The following INPP5A variants were observed in gnomAD, a reference collection of about 807,000 sequenced individuals.
The protein encoded by INPP5A is inositol polyphosphate-5-phosphatase A.
Under a neutral mutation model 65.2 loss-of-function variants are expected in INPP5A, and 14 were observed. The ratio of observed to expected loss-of-function variants is 0.21; its 90% confidence interval spans 0.14 to 0.34. The LOEUF (loss-of-function observed/expected upper bound fraction) is 0.34, where lower values mean the gene tolerates loss of function less well. Ranked by LOEUF, INPP5A falls within the 10% of genes least tolerant of loss-of-function variation. The pLI, the probability that INPP5A is intolerant of heterozygous loss-of-function variation, is 1.00. For missense variants in INPP5A, 431 were observed against 545.6 expected, an observed-to-expected ratio of 0.79 and a Z score of 2.09; for synonymous variants, 207 against 208.3, an observed-to-expected ratio of 0.99 and a Z score of 0.05.
chr10:132,761,586 C>T (rs557605017), intron 11 of INPP5A, among the ~76,000 whole-genome samples: 131 of 149,940 alleles, frequency 8.7e-4, no homozygotes, highest in African/African-American at 2.5e-3. Flanking sequence ...CACGGTGGGG[C>T]GGAGCCTGGG....
At chr10:132,682,392 G>A (rs905077755) in intron 4 of INPP5A, among the ~76,000 whole-genome samples, 3 of 152,270 alleles carry the variant, frequency 2.0e-5, no homozygotes, top group African/African-American at 7.2e-5. Flanking sequence ...CGATGGTCAA[G>A]TTTATGCTGT....
At chr10:132,755,152 CAT>C (rs1193503901) in intron 11 of INPP5A, among the ~76,000 whole-genome samples, 11 of 150,950 alleles carry the variant, frequency 7.3e-5, no homozygotes, top group Admixed American at 2.6e-4. Context: ...TGTGAGCAAG[CAT>C]ATGCATATGA....
At chr10:132,723,577 G>A (rs1845929591) in intron 8 of INPP5A, among the ~76,000 whole-genome samples, 1 of 94,850 alleles carries the variant, frequency 1.1e-5, no homozygotes, top group South Asian at 3.0e-4. Flanking sequence ...TGGCCATGTG[G>A]GGATTGGCCG....
At chr10:132,682,153 G>T (rs944291597) in intron 4 of INPP5A, among the ~76,000 whole-genome samples, 2 of 151,732 alleles carry the variant, frequency 1.3e-5, no homozygotes, top group Admixed American at 1.3e-4. Flanking sequence ...ACAGCGTCCT[G>T]GAGGTGGGAA....
At chr10:132,642,262 G>T (rs1394235266) in intron 2 of INPP5A, among the ~76,000 whole-genome samples, 1 of 152,196 alleles carries the variant, frequency 6.6e-6, no homozygotes, top group Non-Finnish European at 1.5e-5. Context: ...CAGCAGCAGA[G>T]CCCCAGCGTG....
intron 11 of INPP5A, among the ~76,000 whole-genome samples, chr10:132,761,965 TAAAA>T (rs562347826): frequency 6.6e-6 from 1 of 151,404 alleles, no homozygotes; most frequent in Non-Finnish European, 1.5e-5. Context: ...TCCCAACAGA[TAAAA>T]AAAAGTAGGA....
chr10:132,646,342 G>A (rs1159417152), intron 3 of INPP5A, among the ~76,000 whole-genome samples: 1 of 152,198 alleles, frequency 6.6e-6, no homozygotes, highest in Non-Finnish European at 1.5e-5. Flanking sequence ...AGGTCGGCAG[G>A]GAGCGTCTAT....
intron 4 of INPP5A, among the ~76,000 whole-genome samples, chr10:132,673,998 C>A (rs979879789): frequency 6.6e-6 from 1 of 152,200 alleles, no homozygotes; most frequent in African/African-American, 2.4e-5. Context: ...GCCATCATGG[C>A]CACTTTGTTC....
chr10:132,650,202 G>C lies in INPP5A; in HGVS notation c.219-216G>C, dbSNP rs914051843. ...TCTCACAGGCTGCGTGGAGACCAGA[G>C]CCTGTGGGAGCTTGAGCTCTGCACA... On this transcript the variant is annotated intron_variant, in intron 3 of 15. Coordinates refer to ENST00000368594, the MANE Select transcript of INPP5A (RefSeq NM_005539.5). The surrounding 1 kb of genome is among the most constrained non-coding windows in gnomAD (Gnocchi z 5.5). Among the ~76,000 whole-genome samples, 1 of 152,222 alleles carries C rather than the reference G, an allele frequency of 6.6e-6. No individual in the cohort carries two copies. Among genetic ancestry groups the C allele is most frequent in the African/African-American group, 2.4e-5 (1 of 41,470 alleles).
At chr10:132,771,451 C>T (rs1565011170) in intron 12 of INPP5A, among the ~76,000 whole-genome samples, 2 of 152,366 alleles carry the variant, frequency 1.3e-5, no homozygotes, top group East Asian at 3.8e-4. Context: ...CACATCCGTG[C>T]AATGCCAGCT....
Position 132,627,802 on chromosome 10 carries a change from C to T in INPP5A, c.118-18066C>T, listed in dbSNP as rs2072207653. 6.6e-6 allele frequency among the ~76,000 whole-genome samples: 1 copy of T among 152,098 alleles called. No homozygotes were observed. Among genetic ancestry groups the T allele is most frequent in the African/African-American group, 2.4e-5 (1 of 41,400 alleles). ...TCTTCATCCTCAGGGTAACGGCAGC[C>T]ACGGACAGATTTGTGAGGACCTTTG... On this transcript the variant is annotated intron_variant, in intron 2 of 15. Transcript: ENST00000368594. The surrounding 1 kb of genome is among the most constrained non-coding windows in gnomAD (Gnocchi z 6.6).
chr10:132,720,683 T>A (rs1845854964), intron 8 of INPP5A, among the ~76,000 whole-genome samples: 1 of 150,598 alleles, frequency 6.6e-6, no homozygotes, highest in Admixed American at 6.6e-5. Flanking sequence ...ACCTGGGTTC[T>A]TTCTGGGGGC....
Position 132,538,240 on chromosome 10 carries a change from T to C in INPP5A, c.75+69T>C. ...CGACCCTGACCCCGGGGTCCCGAACTGCAAGCCTTGGACCCTGGACCGTGA... is the reference window on the plus strand; with the variant it reads ...CGACCCTGACCCCGGGGTCCCGAACCGCAAGCCTTGGACCCTGGACCGTGA... On this transcript the variant is annotated intron_variant, in intron 1 of 15. Coordinates refer to ENST00000368594, the MANE Select transcript of INPP5A (RefSeq NM_005539.5). The surrounding 1 kb of genome is among the most constrained non-coding windows in gnomAD (Gnocchi z 4.1). The C allele has an allele frequency of 1.1e-6, 1 of 925,598 alleles. No individual in the cohort carries two copies. Among genetic ancestry groups the C allele is most frequent in the South Asian group, 4.4e-5 (1 of 22,704 alleles). 57.3% of individuals were successfully genotyped at this position (925,598 alleles called of 1,614,324 possible).
intron 6 of INPP5A, among the ~76,000 whole-genome samples, chr10:132,701,258 C>G (rs1845431806): frequency 6.6e-6 from 1 of 152,226 alleles, no homozygotes; most frequent in African/African-American, 2.4e-5. Context: ...ACCCCCACCC[C>G]CACGGGATGT....
At chr10:132,541,349 C>T (rs761195703) in intron 1 of INPP5A, among the ~76,000 whole-genome samples, 2 of 152,298 alleles carry the variant, frequency 1.3e-5, no homozygotes, top group Non-Finnish European at 2.9e-5. Flanking sequence ...GGGATCCACA[C>T]GGAATCTCAC....
At chr10:132,606,157 G>A (rs2071845973) in intron 1 of INPP5A, among the ~76,000 whole-genome samples, 1 of 152,182 alleles carries the variant, frequency 6.6e-6, no homozygotes, top group African/African-American at 2.4e-5. Flanking sequence ...AGCTGGATGT[G>A]GGGCTGGGAC....
intron 13 of INPP5A, 27 bp from the exon 14 acceptor site, chr10:132,780,822 A>G: frequency 1.2e-6 from 2 of 1,608,284 alleles, no homozygotes; most frequent in Non-Finnish European, 1.7e-6. Flanking sequence ...ACCTCCCCAC[A>G]CTCACCTGTC....
At chr10:132,687,743 A>C (rs1845161042) in intron 4 of INPP5A, among the ~76,000 whole-genome samples, 1 of 152,106 alleles carries the variant, frequency 6.6e-6, no homozygotes, top group Non-Finnish European at 1.5e-5. Context: ...GTGTGTGTGC[A>C]CATGCAAGCG....
chr10:132,768,879 G>A (rs542438221), intron 12 of INPP5A, among the ~76,000 whole-genome samples: 69 of 152,306 alleles, frequency 4.5e-4, no homozygotes, highest in African/African-American at 1.2e-3. Flanking sequence ...CACAGTCCCC[G>A]CCCTGGTTTT....
Sources: allele counts gnomAD v4.1 joint callset (sites outside exome capture counted in the v4.1 genomes callset), GRCh38; gene constraint gnomAD v4.1.1; non-coding constraint Gnocchi (gnomAD v3.1); transcripts MANE v1.5; gene names NCBI Gene and HGNC (gene_info 2026-07-23, HGNC 2026-07-21).